Variants in CLSPN observed in about 807,000 individuals in gnomAD.
The protein encoded by CLSPN is claspin homolog.
Under a neutral mutation model 156.3 loss-of-function variants are expected in CLSPN, and 85 were observed. The observed-to-expected ratio is 0.54, with a 90% CI of 0.46 to 0.65. The LOEUF (loss-of-function observed/expected upper bound fraction) is 0.65. CLSPN is among the 30% of genes least tolerant of loss of function. The pLI, the probability that CLSPN is intolerant of heterozygous loss-of-function variation, is 0.00. For missense variants in CLSPN, 1,407 were observed against 1,554.9 expected (o/e 0.90, Z 1.60); for synonymous variants, 534 against 542.4 (o/e 0.98, Z 0.22).
At chr1:35,768,996 A>C (rs1642769811) in intron 1 of CLSPN, among the ~76,000 whole-genome samples, 1 of 152,208 alleles carries the variant, frequency 6.6e-6, no homozygotes, top group Admixed American at 6.5e-5. Flanking sequence ...GCTTTTGTAA[A>C]TAAAGTTTAT....
At chr1:35,752,823 C>A (rs905171503) in intron 9 of CLSPN, among the ~76,000 whole-genome samples, 5 of 152,056 alleles carry the variant, frequency 3.3e-5, no homozygotes, top group Admixed American at 6.5e-5. Flanking sequence ...TAGAGCAATG[C>A]CTGACAGGGA....
intron 13 of CLSPN, 73 bp downstream of exon 13, chr1:35,748,332 G>T (rs1372767028): frequency 2.1e-6 from 3 of 1,428,978 alleles, no homozygotes; most frequent in East Asian, 4.5e-5. Context: ...GAGTTGGTTG[G>T]CTGGGACAAA....
At chr1:35,740,826 T>C (rs1433593223) in intron 18 of CLSPN, among the ~76,000 whole-genome samples, 1 of 152,200 alleles carries the variant, frequency 6.6e-6, no homozygotes. Flanking sequence ...CTTACCATCT[T>C]TGAACAGTTC....
chr1:35,751,291 C>T lies in CLSPN; in HGVS notation c.1987G>A (p.Glu663Lys). ...EEKEEELEEE[E>K]EKEEEEEEEG... ...TCTTCCTCCTCCTCTTCTTTCTCCT[C>T]CTCTTCCTCTAGTTCTTCCTCTTTC... Residue 663 changes from glutamate (E) to lysine (K), a missense_variant, in exon 10 of 25, where the codon GAG becomes AAG. Physicochemically the swap from Glu to Lys is moderately conservative, Grantham distance 56. Coordinates refer to ENST00000318121, the MANE Select transcript of CLSPN (RefSeq NM_022111.4). 6.3e-7 allele frequency: 1 copy of T among 1,590,672 alleles called. No individual in the cohort carries two copies. The highest frequency in any genetic ancestry group is 8.6e-7 in the Non-Finnish European group (1 of 1,169,514).
At chr1:35,741,623 T>C (rs1641694522) in intron 18 of CLSPN, among the ~76,000 whole-genome samples, 3 of 152,184 alleles carry the variant, frequency 2.0e-5, no homozygotes. Flanking sequence ...GTTTGTATTC[T>C]TTTAAATATC....
In CLSPN at chr1:35,733,316, TTTTC is replaced by T. The variant is rs1000683595; in HGVS notation, c.*3176_*3179del. 4.6e-6 allele frequency: 1 copy of T among 215,806 alleles called. No individual in the cohort carries two copies. Among genetic ancestry groups the T allele is most frequent in the Non-Finnish European group, 7.0e-6 (1 of 142,596 alleles). The allele number at this position is 215,806 out of a possible 1,614,324, so 13.4% of individuals were successfully genotyped here. ...TTCTCAGGCACTAATTTTCTTTTTT[TTTTC>T]TTTTTTTTTTTTTTTTTAGAGTTGG... On this transcript the variant is annotated 3_prime_UTR_variant, in exon 25 of 25. Transcript: ENST00000318121.
chr1:35,744,921 C>T (rs1641826088), intron 16 of CLSPN, among the ~76,000 whole-genome samples: 2 of 152,134 alleles, frequency 1.3e-5, no homozygotes, highest in South Asian at 4.1e-4. Context: ...TCAAGCAATT[C>T]TCCTGCCTCA....
intron 1 of CLSPN, among the ~76,000 whole-genome samples, chr1:35,769,552 G>A (rs1642792653): frequency 6.6e-6 from 1 of 152,252 alleles, no homozygotes; most frequent in African/African-American, 2.4e-5. Flanking sequence ...AAAGGGGAGG[G>A]CTGGCGGCAG....
At position 35,723,300 on chromosome 1, in the gene CLSPN, G is replaced by A. The variant is rs1017356278; in HGVS notation, c.3910-2320C>T. Among the ~76,000 whole-genome samples the A allele has an allele frequency of 2.0e-5, 3 of 152,168 alleles. No individual in the cohort carries two copies. In the East Asian group the frequency reaches 5.8e-4, roughly 29 times the overall value. ...TCAGCCTGAACAGGGCTTTGCAAAAGGCCATGCCATCAAGACCCAATGATG... is the reference window on the plus strand; with the variant it reads ...TCAGCCTGAACAGGGCTTTGCAAAAAGCCATGCCATCAAGACCCAATGATG... On this transcript the variant is annotated intron_variant, in intron 24 of 24. Coordinates refer to the CLSPN transcript ENST00000251195.
Position 35,732,542 on chromosome 1 carries a change from A to C in CLSPN, c.*3954T>G. The stretch of plus-strand genomic sequence containing the variant: ...ATGGCTGTGCAACTGTGAATTAATG[A>C]GATGAAATTAGAGACCTGTTTAAAG... On this transcript the variant is annotated 3_prime_UTR_variant, in exon 25 of 25. Transcript: ENST00000318121. 2 of 985,444 alleles carry C rather than the reference A, an allele frequency of 2.0e-6. No individual in the cohort carries two copies. The allele number at this position is 985,444 out of a possible 1,614,324, so 61.0% of individuals were successfully genotyped here.
rs34271691 is a variant in CLSPN, at chr1:35,758,801, CTTTTTT to C, written c.1579+1535_1579+1540del. Among the ~76,000 whole-genome samples the C allele has an allele frequency of 4.4e-4, 61 of 138,308 alleles. 1 individual carries two copies. The highest frequency in any genetic ancestry group is 7.7e-4 in the Non-Finnish European group (50 of 65,250). The allele number at this position is 138,308 out of a possible 152,430, so 90.7% of individuals were successfully genotyped here. On this transcript the variant is annotated intron_variant, in intron 8 of 24. Transcript: ENST00000318121. ...AGTCATATAGTGCTTTTTTCTTTTTCTTTTTTTTTTTTTTTGAGACAGGATTTCATA... is the reference window on the plus strand; with the variant it reads ...AGTCATATAGTGCTTTTTTCTTTTTCTTTTTTTTTGAGACAGGATTTCATA...
Position 35,735,423 on chromosome 1 carries a change from T to C in CLSPN, c.*1073A>G. On this transcript the variant is annotated 3_prime_UTR_variant, in exon 25 of 25. Transcript: ENST00000318121. ...GGTCCTCCATCTAAGAAATCGTTCT[T>C]TTGGCTGGGCACAGTGGCTCACGCC... 1.0e-6 allele frequency: 1 copy of C among 985,338 alleles called. No homozygotes were observed. Among genetic ancestry groups the C allele is most frequent in the Non-Finnish European group, 1.2e-6 (1 of 829,894 alleles). 61.0% of individuals were successfully genotyped at this position (985,338 alleles called of 1,614,324 possible).
At position 35,735,414 on chromosome 1, in the gene CLSPN, A is replaced by G; in HGVS notation, c.*1082T>C. 1.0e-6 allele frequency: 1 copy of G among 985,420 alleles called. No homozygotes were observed. The highest frequency in any genetic ancestry group is 1.2e-6 in the Non-Finnish European group (1 of 829,918). 61.0% of individuals were successfully genotyped at this position (985,420 alleles called of 1,614,324 possible). ...TGGTTCCTAGGTCCTCCATCTAAGA[A>G]ATCGTTCTTTTGGCTGGGCACAGTG... On this transcript the variant is annotated 3_prime_UTR_variant, in exon 25 of 25. Transcript: ENST00000318121.
At chr1:35,769,601 G>C (rs1642795823) in intron 1 of CLSPN, among the ~76,000 whole-genome samples, 2 of 152,198 alleles carry the variant, frequency 1.3e-5, no homozygotes, top group African/African-American at 4.8e-5. Flanking sequence ...GGCAGTGCGC[G>C]CCGCAGAGAC....
At chr1:35,765,108 G>T in intron 2 of CLSPN, 110 bp downstream of exon 2, 1 of 685,538 alleles carries the variant, frequency 1.5e-6, no homozygotes. Flanking sequence ...AAACAATAAG[G>T]ATGGGGCATT....
intron 13 of CLSPN, 98 bp downstream of exon 13, chr1:35,748,307 G>A (rs1641960359): frequency 8.5e-7 from 1 of 1,170,596 alleles, no homozygotes; most frequent in African/African-American, 1.5e-5. Flanking sequence ...CATAAGCTCA[G>A]TACCAACGTG....
chr1:35,747,769 T>C, intron 14 of CLSPN, 138 bp downstream of exon 14: 1 of 771,238 alleles, frequency 1.3e-6, no homozygotes, highest in Non-Finnish European at 2.1e-6. Flanking sequence ...ACTTATAGAA[T>C]GTAATACTAA....
rs1269959139 is a variant in CLSPN, at chr1:35,736,898, T to C, written c.3909+16A>G. 1 of 1,608,280 alleles carries C rather than the reference T, an allele frequency of 6.2e-7. No homozygotes were observed. The highest frequency in any genetic ancestry group is 1.7e-5 in the Admixed American group (1 of 58,864). On this transcript the variant is annotated intron_variant, in intron 24 of 24. Coordinates refer to ENST00000318121, the MANE Select transcript of CLSPN (RefSeq NM_022111.4). ...CTGGTTTGGGAAGCCACCATATTAG[T>C]TCTCAAATTCCATACCTGAGACTTA... is the stretch of plus-strand genomic sequence containing the variant.
At position 35,748,554 on chromosome 1, in the gene CLSPN, T is replaced by C; in HGVS notation, c.2323A>G (p.Ser775Gly). The change falls in exon 13 of 25, where the codon AGC (serine) becomes GGC (glycine). Residue 775 changes from serine to glycine, a missense_variant. Around this residue, in one of 3 missense-constraint regions of CLSPN, gnomAD observed 1,096 missense variants for 1,193.0 expected, o/e 0.92. Transcript: ENST00000318121. Reference sequence around the variant, plus strand: ...ATCGTGGAGCCAATCAGCTCAAAGCTGCTATTGTGGCTGCTCTCCTTTGTT... The same window carrying C: ...ATCGTGGAGCCAATCAGCTCAAAGCCGCTATTGTGGCTGCTCTCCTTTGTT... ...LLTKESSHNSSFELIGSTIPS... is the reference protein window; with the variant it reads ...LLTKESSHNSGFELIGSTIPS... 6.2e-7 allele frequency: 1 copy of C among 1,614,176 alleles called. No homozygotes were observed. Among genetic ancestry groups the C allele is most frequent in the Non-Finnish European group, 8.5e-7 (1 of 1,180,018 alleles).
Sources: allele counts gnomAD v4.1 joint callset (sites outside exome capture counted in the v4.1 genomes callset), GRCh38; gene constraint gnomAD v4.1.1; regional missense constraint gnomAD v4.1.1; transcripts MANE v1.5; gene names NCBI Gene and HGNC (gene_info 2026-07-23, HGNC 2026-07-21).